GABBR1: variants seen among roughly 807,000 people sequenced by gnomAD.
GABBR1 encodes the protein GABA-B receptor, R1 subunit.
GABBR1 carries 35 observed loss-of-function variants against 117.7 expected under a neutral mutation model. That is an observed-to-expected ratio of 0.30 (90% CI 0.23 to 0.39). The LOEUF (loss-of-function observed/expected upper bound fraction) is 0.39, where lower values mean the gene tolerates loss of function less well. Ranked by LOEUF, GABBR1 falls within the 10% of genes least tolerant of loss-of-function variation. The pLI, the probability that GABBR1 is intolerant of heterozygous loss-of-function variation, is 1.00. For missense variants in GABBR1, 709 were observed against 1,241.8 expected, an observed-to-expected ratio of 0.57 and a Z score of 6.45; for synonymous variants, 442 against 486.6, an observed-to-expected ratio of 0.91 and a Z score of 1.21.
Position 29,618,091 on chromosome 6 carries a change from C to T in GABBR1, c.1323+3010G>A, listed in dbSNP as rs191536400. ...AGTCTCTGTACATGAGACTGCCTCT[C>T]TCTAAGAGCACCTGCACAAATAGCA... On this transcript the variant is annotated intron_variant, in intron 11 of 22. Transcript: ENST00000377034. 8.5e-4 allele frequency among the ~76,000 whole-genome samples: 130 copies of T among 152,338 alleles called. 2 individuals carry two copies. Among genetic ancestry groups the T allele is most frequent in the African/African-American group, 3.0e-3 (123 of 41,568 alleles).
chr6:29,615,973 G>A (rs28749527), intron 11 of GABBR1, among the ~76,000 whole-genome samples: 14,879 of 152,000 alleles, frequency 0.098, 857 homozygotes, highest in Middle Eastern at 0.21. Context: ...AGGCTGAGGC[G>A]GGTGGATCAC....
chr6:29,623,202 T>A lies in GABBR1; in HGVS notation c.963+103A>T. 1 of 1,042,122 alleles carries A rather than the reference T, an allele frequency of 9.6e-7. No individual in the cohort carries two copies. The highest frequency in any genetic ancestry group is 1.4e-6 in the Non-Finnish European group (1 of 708,922). The allele number at this position is 1,042,122 out of a possible 1,614,324, so 64.6% of individuals were successfully genotyped here. The stretch of plus-strand genomic sequence containing the variant: ...CCACATGGAATGCGTTCTCTTTCAA[T>A]GAAGAATCAAGTTCTTGCCCCTAAA... On this transcript the variant is annotated intron_variant, in intron 8 of 22. Transcript: ENST00000377034. The surrounding 1 kb of genome is among the most constrained non-coding windows in gnomAD (Gnocchi z 6.2).
Position 29,604,619 on chromosome 6 carries a change from G to A in GABBR1, c.2587C>T (p.Arg863Ter). Residue 863 changes from arginine (R) to a stop codon, truncating the protein, a stop_gained, in exon 22 of 23, where the codon CGA (arginine) becomes TGA (stop). Coordinates refer to ENST00000377034, the MANE Select transcript of GABBR1 (RefSeq NM_001470.4). LOFTEE classifies it high-confidence loss of function. The surrounding 1 kb of genome is among the most constrained non-coding windows in gnomAD (Gnocchi z 5.3). ...TGCGCCTCCGACTGCCATTCCCCTC[G>A]GGTGATCAGCCTGCGCATCTGGGGG... ...FVPKMRRLIT[R>*]GEWQSEAQDT... 1.9e-6 allele frequency: 3 copies of A among 1,613,204 alleles called. No individual in the cohort carries two copies. The highest frequency in any genetic ancestry group is 2.2e-5 in the East Asian group (1 of 44,880).
At position 29,632,854 on chromosome 6, in the gene GABBR1, G is replaced by A. The variant is rs1324772828; in HGVS notation, c.-5C>T. 2.9e-6 allele frequency: 1 copy of A among 343,804 alleles called. No homozygotes were observed. Among genetic ancestry groups the A allele is most frequent in the Admixed American group, 6.4e-5 (1 of 15,638 alleles). The allele number at this position is 343,804 out of a possible 1,614,324, so 21.3% of individuals were successfully genotyped here. A position where few individuals can be genotyped will look rare whatever the true frequency, so the allele number is the denominator to read the frequency against. ...ACCCGGGGCCCTGGCTCTTACCTCGGCGCGCGGGCCCGGCTCCCCGGCTCT... is the reference window on the plus strand; with the variant it reads ...ACCCGGGGCCCTGGCTCTTACCTCGACGCGCGGGCCCGGCTCCCCGGCTCT... On this transcript the variant is annotated 5_prime_UTR_variant, in exon 1 of 23. Transcript: ENST00000377034. This position sits in a 1 kb window ranked among gnomAD's most constrained non-coding sequence, Gnocchi z 5.8.
Position 29,602,817 on chromosome 6 carries a change from TGA to T in GABBR1, c.*724_*725del. 2.8e-6 allele frequency: 1 copy of T among 357,138 alleles called. No homozygotes were observed. The highest frequency in any genetic ancestry group is 5.5e-6 in the Non-Finnish European group (1 of 181,370). The allele number at this position is 357,138 out of a possible 1,614,324, so 22.1% of individuals were successfully genotyped here. A position where few individuals can be genotyped will look rare whatever the true frequency, so the allele number is the denominator to read the frequency against. ...ACGCTCAAGGGCAGACCCATGACCA[TGA>T]GAGGGGCACACGTAGCTGTGAATGC... On this transcript the variant is annotated 3_prime_UTR_variant, in exon 23 of 23. Coordinates refer to ENST00000377034, the MANE Select transcript of GABBR1 (RefSeq NM_001470.4).
At position 29,603,295 on chromosome 6, in the gene GABBR1, T is replaced by G. The variant is rs2127384429; in HGVS notation, c.*248A>C. On this transcript the variant is annotated 3_prime_UTR_variant, in exon 23 of 23. Transcript: ENST00000377034. ...GAGCAGTGAGCAGCTTCAAGCCAGGTACGAACTAAATTGTGAAGAGGTGAT... is the reference window on the plus strand; with the variant it reads ...GAGCAGTGAGCAGCTTCAAGCCAGGGACGAACTAAATTGTGAAGAGGTGAT... 1.5e-6 allele frequency: 1 copy of G among 677,480 alleles called. No homozygotes were observed. Among genetic ancestry groups the G allele is most frequent in the East Asian group, 2.9e-5 (1 of 34,954 alleles). The allele number at this position is 677,480 out of a possible 1,614,324, so 42.0% of individuals were successfully genotyped here. A position where few individuals can be genotyped will look rare whatever the true frequency, so the allele number is the denominator to read the frequency against.
rs1224084903 is a variant in GABBR1 at position 29,627,375 on chromosome 6, G to A, written c.657+111C>T. The A allele has an allele frequency of 6.4e-6, 7 of 1,096,656 alleles. No individual in the cohort carries two copies. Among genetic ancestry groups the A allele is most frequent in the East Asian group, 2.6e-5 (1 of 38,362 alleles). 67.9% of individuals were successfully genotyped at this position (1,096,656 alleles called of 1,614,324 possible). The stretch of plus-strand genomic sequence containing the variant: ...TCTCCTGCCAGTCACACAAGGGAGG[G>A]GTCTGCCTCGCAATCCCAGAGACGA... On this transcript the variant is annotated intron_variant, in intron 6 of 22. Transcript: ENST00000377034. This position sits in a 1 kb window ranked among gnomAD's most constrained non-coding sequence, Gnocchi z 4.4.
chr6:29,622,367 G>A lies in GABBR1; in HGVS notation c.964-162C>T, dbSNP rs372587193. 3.7e-5 allele frequency: 23 copies of A among 619,190 alleles called. No individual in the cohort carries two copies. The highest frequency in any genetic ancestry group is 9.6e-5 in the South Asian group (5 of 52,200). The allele number at this position is 619,190 out of a possible 1,614,324, so 38.4% of individuals were successfully genotyped here. A position where few individuals can be genotyped will look rare whatever the true frequency, so the allele number is the denominator to read the frequency against. ...CTTCTGTCCCTGAAGTGAGGAGTTC[G>A]GGAAGGCATCTGGTCTTAGGATGTG... On this transcript the variant is annotated intron_variant, in intron 8 of 22. Coordinates refer to ENST00000377034, the MANE Select transcript of GABBR1 (RefSeq NM_001470.4). The surrounding 1 kb of genome is among the most constrained non-coding windows in gnomAD (Gnocchi z 4.6).
chr6:29,615,839 C>T (rs756317131), intron 11 of GABBR1, among the ~76,000 whole-genome samples: 1 of 151,810 alleles, frequency 6.6e-6, no homozygotes, highest in African/African-American at 2.4e-5. Flanking sequence ...GAGGTCAAGG[C>T]GGGCAGATCA....
Position 29,623,566 on chromosome 6 carries a change from G to C in GABBR1, c.793-91C>G. On this transcript the variant is annotated intron_variant, in intron 7 of 22. Coordinates refer to ENST00000377034, the MANE Select transcript of GABBR1 (RefSeq NM_001470.4). The surrounding 1 kb of genome is among the most constrained non-coding windows in gnomAD (Gnocchi z 6.2). ...TTCCTTTAACCCTCTTCCTGCCTTT[G>C]GGTTTCTCTTCCTTACTCTCTCCAA... The C allele has an allele frequency of 3.0e-6, 4 of 1,321,220 alleles. No individual in the cohort carries two copies. Among genetic ancestry groups the C allele is most frequent in the Non-Finnish European group, 4.2e-6 (4 of 953,904 alleles). The allele number at this position is 1,321,220 out of a possible 1,614,324, so 81.8% of individuals were successfully genotyped here.
chr6:29,605,994 G>A lies in GABBR1; in HGVS notation c.2312-298C>T. On this transcript the variant is annotated intron_variant, in intron 19 of 22. Transcript: ENST00000377034. This position sits in a 1 kb window ranked among gnomAD's most constrained non-coding sequence, Gnocchi z 4.2. ...AAATAGGCCAGTCTGGGCCACACATGCCTCACCCTTACCCTACAGGTGGGA... is the reference window on the plus strand; with the variant it reads ...AAATAGGCCAGTCTGGGCCACACATACCTCACCCTTACCCTACAGGTGGGA... 1.8e-6 allele frequency: 1 copy of A among 544,186 alleles called. No homozygotes were observed. Among genetic ancestry groups the A allele is most frequent in the Non-Finnish European group, 3.3e-6 (1 of 304,836 alleles). The allele number at this position is 544,186 out of a possible 1,614,324, so 33.7% of individuals were successfully genotyped here. A position where few individuals can be genotyped will look rare whatever the true frequency, so the allele number is the denominator to read the frequency against.
In GABBR1 at chr6:29,620,249, G is replaced by GAATCTA. The variant is rs545128753; in HGVS notation, c.1323+846_1323+851dup. Among the ~76,000 whole-genome samples, 34 of 152,308 alleles carry GAATCTA rather than the reference G, an allele frequency of 2.2e-4. No individual in the cohort carries two copies. Among genetic ancestry groups the GAATCTA allele is most frequent in the Admixed American group, 1.9e-3 (29 of 15,296 alleles). On this transcript the variant is annotated intron_variant, in intron 11 of 22. Transcript: ENST00000377034. This position sits in a 1 kb window ranked among gnomAD's most constrained non-coding sequence, Gnocchi z 4.5. ...TTGCTGTTAGAATCCCTGAAATCATGAATCTAAGTACCACACAAATGCCAC... is the reference window on the plus strand; with the variant it reads ...TTGCTGTTAGAATCCCTGAAATCATGAATCTAAATCTAAGTACCACACAAATGCCAC...
Position 29,611,680 on chromosome 6 carries a change from T to A in GABBR1, c.1631-679A>T, listed in dbSNP as rs1198740206. Reference sequence around the variant, plus strand: ...AAACTTTTCACAGGAGGCCAAGAAATAGCTCTCTTGGCCATGCCGTAAAAG... The same window carrying A: ...AAACTTTTCACAGGAGGCCAAGAAAAAGCTCTCTTGGCCATGCCGTAAAAG... On this transcript the variant is annotated intron_variant, in intron 13 of 22. Transcript: ENST00000377034. This position sits in a 1 kb window ranked among gnomAD's most constrained non-coding sequence, Gnocchi z 4.6. Among the ~76,000 whole-genome samples the A allele has an allele frequency of 6.6e-6, 1 of 152,158 alleles. No homozygotes were observed. Among genetic ancestry groups the A allele is most frequent in the Non-Finnish European group, 1.5e-5 (1 of 68,008 alleles).
chr6:29,622,109 G>A lies in GABBR1; in HGVS notation c.1060C>T (p.Leu354=). Reference sequence around the variant, plus strand: ...ACCACTCCCAGCCATCTGACCTTCAGGTTTTTGACGGGCACAGCTGGATCT... The same window carrying A: ...ACCACTCCCAGCCATCTGACCTTCAAGTTTTTGACGGGCACAGCTGGATCT... ...FSDPAVPVKN[L]KRQDARIIVG... Residue 354 remains leucine, a synonymous_variant, in exon 9 of 23, where the codon CTG becomes TTG. Transcript: ENST00000377034. This position sits in a 1 kb window ranked among gnomAD's most constrained non-coding sequence, Gnocchi z 4.6. The A allele has an allele frequency of 1.2e-6, 2 of 1,613,566 alleles. No individual in the cohort carries two copies. The highest frequency in any genetic ancestry group is 1.7e-6 in the Non-Finnish European group (2 of 1,179,600).
In GABBR1 at chr6:29,630,138, T is replaced by C. The variant is rs560621494; in HGVS notation, c.475+320A>G. On this transcript the variant is annotated intron_variant, in intron 4 of 22. Transcript: ENST00000377034. This position sits in a 1 kb window ranked among gnomAD's most constrained non-coding sequence, Gnocchi z 4.9. ...TTTCTAAGTTTAGAGAAAGGGAAAA[T>C]TGGAGTATTTAAACCTGAAGAAGGT... 3.2e-6 allele frequency: 1 copy of C among 309,350 alleles called. No homozygotes were observed. Among genetic ancestry groups the C allele is most frequent in the Non-Finnish European group, 5.9e-6 (1 of 169,758 alleles). 19.2% of individuals were successfully genotyped at this position (309,350 alleles called of 1,614,324 possible). A position where few individuals can be genotyped will look rare whatever the true frequency, so the allele number is the denominator to read the frequency against.
Position 29,613,342 on chromosome 6 carries a change from G to T in GABBR1, c.1467C>A (p.Gly489=). The change falls in exon 12 of 23, where the codon GGC becomes GGA. Residue 489 remains glycine, a synonymous_variant. Transcript: ENST00000377034. This position sits in a 1 kb window ranked among gnomAD's most constrained non-coding sequence, Gnocchi z 4.1. ...AGTCCTCCAGGCGCACACCAGAACG[G>T]CCGCCTCCTCCAGATGTCTTGTTCA... is the stretch of plus-strand genomic sequence containing the variant. The part of the protein sequence containing the change: ...LALNKTSGGG[G]RSGVRLEDFN... The T allele has an allele frequency of 1.2e-6, 2 of 1,613,104 alleles. No homozygotes were observed. Among genetic ancestry groups the T allele is most frequent in the Non-Finnish European group, 1.7e-6 (2 of 1,180,026 alleles).
intron 11 of GABBR1, among the ~76,000 whole-genome samples, chr6:29,618,810 T>C (rs972764976): frequency 1.1e-4 from 16 of 152,214 alleles, no homozygotes; most frequent in Non-Finnish European, 1.9e-4. Context: ...GATAATTCTT[T>C]GTTGCCAGGG....
chr6:29,632,163 T>C lies in GABBR1; in HGVS notation c.85+138A>G. Reference sequence around the variant, plus strand: ...CAGAAGGAGGTCAGCAGTAGTAAAGTCGGGCCGAGCAGAAGGGGTTGCCAG... The same window carrying C: ...CAGAAGGAGGTCAGCAGTAGTAAAGCCGGGCCGAGCAGAAGGGGTTGCCAG... On this transcript the variant is annotated intron_variant, in intron 2 of 22. Coordinates refer to ENST00000377034, the MANE Select transcript of GABBR1 (RefSeq NM_001470.4). The surrounding 1 kb of genome is among the most constrained non-coding windows in gnomAD (Gnocchi z 5.8). The C allele has an allele frequency of 1.9e-6, 1 of 518,544 alleles. No individual in the cohort carries two copies. The highest frequency in any genetic ancestry group is 3.9e-5 in the Admixed American group (1 of 25,350). 32.1% of individuals were successfully genotyped at this position (518,544 alleles called of 1,614,324 possible).
Position 29,623,221 on chromosome 6 carries a change from C to T in GABBR1, c.963+84G>A. The T allele has an allele frequency of 1.6e-6, 2 of 1,239,574 alleles. No individual in the cohort carries two copies. Among genetic ancestry groups the T allele is most frequent in the Non-Finnish European group, 2.3e-6 (2 of 874,108 alleles). The allele number at this position is 1,239,574 out of a possible 1,614,324, so 76.8% of individuals were successfully genotyped here. On this transcript the variant is annotated intron_variant, in intron 8 of 22. Transcript: ENST00000377034. This position sits in a 1 kb window ranked among gnomAD's most constrained non-coding sequence, Gnocchi z 6.2. ...TTTCAATGAAGAATCAAGTTCTTGCCCCTAAAAGTGACTCTCACGTCACAT... is the reference window on the plus strand; with the variant it reads ...TTTCAATGAAGAATCAAGTTCTTGCTCCTAAAAGTGACTCTCACGTCACAT...
Sources: allele counts gnomAD v4.1 joint callset (sites outside exome capture counted in the v4.1 genomes callset), GRCh38; gene constraint gnomAD v4.1.1; non-coding constraint Gnocchi (gnomAD v3.1); transcripts MANE v1.5; gene names NCBI Gene and HGNC (gene_info 2026-07-23, HGNC 2026-07-21).